The following LOC122539214 variants were observed in gnomAD, a reference collection of about 807,000 sequenced individuals.
the LOC122539214 span, chr19:52,655,282 T>A: frequency 6.1e-5 from 20 of 325,790 alleles, no homozygotes; most frequent in Admixed American, 9.0e-5. Flanking sequence ...CCCTGACAAT[T>A]CTGCTCAGGG....
At chr19:52,689,629 T>C in the LOC122539214 span, among the ~76,000 whole-genome samples, 1 of 152,276 alleles carries the variant, frequency 6.6e-6, no homozygotes, top group African/African-American at 2.4e-5. Flanking sequence ...TCCTCCTGCT[T>C]TCTTATCGTT....
chr19:52,671,695 T>A, the LOC122539214 span, among the ~76,000 whole-genome samples: 2 of 152,180 alleles, frequency 1.3e-5, no homozygotes, highest in East Asian at 3.9e-4. Flanking sequence ...AACCCACCTT[T>A]GCTTCCCAAA....
the LOC122539214 span, chr19:52,653,104 G>A: frequency 2.7e-6 from 4 of 1,460,800 alleles, no homozygotes; most frequent in South Asian, 3.4e-5. Context: ...AATTAGAAGG[G>A]ATGAATTTCG....
At chr19:52,663,994 C>A in the LOC122539214 span, among the ~76,000 whole-genome samples, 168 of 152,310 alleles carry the variant, frequency 1.1e-3, 1 homozygote, top group African/African-American at 3.8e-3. Context: ...TCAAGCTATT[C>A]TCCTGCCTGT....
the LOC122539214 span, among the ~76,000 whole-genome samples, chr19:52,666,156 T>C: frequency 1.1e-5 from 1 of 93,110 alleles, no homozygotes; most frequent in African/African-American, 4.4e-5. Flanking sequence ...AGAGCAAGAC[T>C]CCATCTCAAA....
chr19:52,667,305 C>T, the LOC122539214 span, among the ~76,000 whole-genome samples: 118,199 of 151,122 alleles, frequency 0.78, 46,477 homozygotes, highest in African/African-American at 0.87. Flanking sequence ...TAAAATAAAT[C>T]AAATGGTGGT....
chr19:52,682,889 T>C, the LOC122539214 span, among the ~76,000 whole-genome samples: 1 of 151,968 alleles, frequency 6.6e-6, no homozygotes, highest in Non-Finnish European at 1.5e-5. Context: ...TTTTTTTTTC[T>C]AGATGGAGTC....
the LOC122539214 span, among the ~76,000 whole-genome samples, chr19:52,659,066 G>A: frequency 2.6e-5 from 4 of 152,078 alleles, no homozygotes; most frequent in East Asian, 1.9e-4. Flanking sequence ...TCATTCATCC[G>A]TCTGGGCCAG....
the LOC122539214 span, among the ~76,000 whole-genome samples, chr19:52,656,961 C>T: frequency 4.6e-5 from 7 of 151,918 alleles, no homozygotes; most frequent in Admixed American, 2.6e-4. Flanking sequence ...TAACTTCAGT[C>T]GGGACATTAT....
the LOC122539214 span, among the ~76,000 whole-genome samples, chr19:52,668,527 T>C: frequency 6.6e-6 from 1 of 152,084 alleles, no homozygotes; most frequent in East Asian, 1.9e-4. Context: ...TTCTTTAGGG[T>C]GTGCTTTTTT....
the LOC122539214 span, among the ~76,000 whole-genome samples, chr19:52,677,320 A>T: frequency 8.0e-6 from 1 of 125,432 alleles, no homozygotes; most frequent in Non-Finnish European, 1.8e-5. Flanking sequence ...AAAAAAAAAA[A>T]AAAAAAAAAA....
the LOC122539214 span, among the ~76,000 whole-genome samples, chr19:52,686,514 A>T: frequency 4.1e-5 from 6 of 147,322 alleles, no homozygotes; most frequent in Admixed American, 1.4e-4. Flanking sequence ...AAAAAAAAAA[A>T]GAAATCTATT....
the LOC122539214 span, chr19:52,653,087 C>A: frequency 6.9e-7 from 1 of 1,448,626 alleles, no homozygotes; most frequent in Admixed American, 1.8e-5. Context: ...GTATGAATTG[C>A]CTTATGAATT....
chr19:52,672,430 A>G, the LOC122539214 span, among the ~76,000 whole-genome samples: 2 of 152,142 alleles, frequency 1.3e-5, no homozygotes, highest in Non-Finnish European at 2.9e-5. Flanking sequence ...AAATTAGCAT[A>G]TCTAGAATAT....
At chr19:52,658,431 T>G in the LOC122539214 span, among the ~76,000 whole-genome samples, 2 of 152,070 alleles carry the variant, frequency 1.3e-5, no homozygotes, top group Admixed American at 1.3e-4. Flanking sequence ...CCAGGTGTGG[T>G]GGTGCGCACC....
the LOC122539214 span, among the ~76,000 whole-genome samples, chr19:52,682,535 G>A: frequency 6.6e-6 from 1 of 152,028 alleles, no homozygotes; most frequent in African/African-American, 2.4e-5. Context: ...CCCAGGCATG[G>A]CAGTGCATAC....
the LOC122539214 span, chr19:52,654,078 A>G: frequency 8.8e-6 from 14 of 1,597,638 alleles, no homozygotes; most frequent in Non-Finnish European, 1.0e-5. Context: ...TTTTCCCTTC[A>G]GTCTGAAATT....
the LOC122539214 span, among the ~76,000 whole-genome samples, chr19:52,682,936 T>C: frequency 6.6e-6 from 1 of 152,128 alleles, no homozygotes; most frequent in African/African-American, 2.4e-5. Context: ...AGTGGCACCA[T>C]CTCGGATTAC....
chr19:52,677,167 T>C, the LOC122539214 span, among the ~76,000 whole-genome samples: 2 of 147,640 alleles, frequency 1.4e-5, no homozygotes, highest in African/African-American at 5.0e-5. Context: ...AGGAAGAAGA[T>C]ACAATCAAAA....
Sources: gnomAD v4.1 joint callset for allele counts (sites outside exome capture counted in the v4.1 genomes callset) on GRCh38, gnomAD v4.1.1 for gene constraint, MANE v1.5 for transcripts.